SLC25A21: variants seen among roughly 807,000 people sequenced by gnomAD.
The protein encoded by SLC25A21 is mitochondrial 2-oxodicarboxylate carrier.
A neutral mutation model predicts 43.8 loss-of-function variants in SLC25A21; 47 were observed. The observed-to-expected ratio is 1.07, with a 90% confidence interval of 0.85 to 1.37. The LOEUF is 1.37. Ranked by LOEUF, SLC25A21 falls within the 40% of genes most tolerant of loss-of-function variation. The pLI is 0.00. For missense variants in SLC25A21, 352 were observed against 350.2 expected, an observed-to-expected ratio of 1.00 and a Z score of -0.04; for synonymous variants, 131 against 121.3, an observed-to-expected ratio of 1.08 and a Z score of -0.52.
intron 3 of SLC25A21, among the ~76,000 whole-genome samples, chr14:36,756,491 T>G (rs1434968122): frequency 1.3e-5 from 2 of 152,228 alleles, no homozygotes; most frequent in Non-Finnish European, 2.9e-5. Context: ...AGTGTTCTCA[T>G]CTGTGGGAGA....
intron 1 of SLC25A21, among the ~76,000 whole-genome samples, chr14:37,036,857 G>A (rs1961337697): frequency 6.6e-6 from 1 of 152,152 alleles, no homozygotes; most frequent in South Asian, 2.1e-4. Context: ...GTTCAAATGT[G>A]GATCTTGACT....
chr14:36,790,867 G>A (rs1198425485), intron 3 of SLC25A21, among the ~76,000 whole-genome samples: 1 of 152,128 alleles, frequency 6.6e-6, no homozygotes, highest in Non-Finnish European at 1.5e-5. Flanking sequence ...GAAAAAAGGG[G>A]AGTGTGCAGT....
At chr14:37,036,368 A>G (rs1363950000) in intron 1 of SLC25A21, among the ~76,000 whole-genome samples, 1 of 152,138 alleles carries the variant, frequency 6.6e-6, no homozygotes, top group Non-Finnish European at 1.5e-5. Flanking sequence ...GCTTGCTGCA[A>G]GCAGTTTTAA....
chr14:37,116,435 T>A (rs887958578), intron 1 of SLC25A21, among the ~76,000 whole-genome samples: 1 of 152,188 alleles, frequency 6.6e-6, no homozygotes, highest in African/African-American at 2.4e-5. Context: ...AGCATTACAT[T>A]TGAAGTCCTT....
At chr14:37,064,408 T>C (rs1276754698) in intron 1 of SLC25A21, among the ~76,000 whole-genome samples, 1 of 151,958 alleles carries the variant, frequency 6.6e-6, no homozygotes, top group Non-Finnish European at 1.5e-5. Context: ...GTTGATAAAT[T>C]CTCTTGTCTC....
At chr14:36,807,176 G>T (rs915328966) in intron 3 of SLC25A21, 15 of 152,120 alleles carry the variant, frequency 9.9e-5, no homozygotes, top group African/African-American at 3.6e-4. Flanking sequence ...TCTGCTCAGG[G>T]GTCTGAGATG....
intron 1 of SLC25A21, among the ~76,000 whole-genome samples, chr14:37,033,018 A>C (rs760095109): frequency 6.6e-6 from 1 of 152,214 alleles, no homozygotes; most frequent in Non-Finnish European, 1.5e-5. Flanking sequence ...AACCATCTTT[A>C]AGTGTACAGC....
intron 1 of SLC25A21, among the ~76,000 whole-genome samples, chr14:37,018,294 C>G (rs1320446454): frequency 6.6e-6 from 1 of 151,940 alleles, no homozygotes; most frequent in Admixed American, 6.6e-5. Context: ...TGATCTTTCC[C>G]TCAACACTGT....
At chr14:37,093,180 CATT>C (rs1458546183) in intron 1 of SLC25A21, among the ~76,000 whole-genome samples, 1 of 152,148 alleles carries the variant, frequency 6.6e-6, no homozygotes, top group Non-Finnish European at 1.5e-5. Flanking sequence ...ACAAAGTTCT[CATT>C]ATATTCACCT....
At chr14:36,806,102 G>A (rs1594604232) in intron 3 of SLC25A21, among the ~76,000 whole-genome samples, 1 of 137,392 alleles carries the variant, frequency 7.3e-6, no homozygotes, top group Admixed American at 7.8e-5. Flanking sequence ...TGTAATGCCA[G>A]CTACTCTGAG....
intron 3 of SLC25A21, among the ~76,000 whole-genome samples, chr14:36,754,296 C>CA (rs1410271211): frequency 4.6e-5 from 7 of 152,154 alleles, no homozygotes; most frequent in African/African-American, 7.2e-5. Context: ...AGCCTGAGCT[C>CA]AGCCTTTAAA....
chr14:37,001,314 ATT>A (rs1439589054), intron 1 of SLC25A21, among the ~76,000 whole-genome samples: 14 of 152,238 alleles, frequency 9.2e-5, no homozygotes, highest in African/African-American at 3.4e-4. Context: ...CTTTAAATGC[ATT>A]GTTTCATGGG....
At chr14:37,039,415 C>T (rs553013080) in intron 1 of SLC25A21, among the ~76,000 whole-genome samples, 2 of 152,284 alleles carry the variant, frequency 1.3e-5, no homozygotes, top group African/African-American at 4.8e-5. Context: ...TTTAGTACAT[C>T]CCACTCCCAT....
intron 1 of SLC25A21, among the ~76,000 whole-genome samples, chr14:37,158,279 AAG>A (rs1442060171): frequency 6.6e-6 from 1 of 152,160 alleles, no homozygotes; most frequent in Non-Finnish European, 1.5e-5. Flanking sequence ...ACAGAACAAA[AAG>A]AGTAAACTAC....
intron 3 of SLC25A21, among the ~76,000 whole-genome samples, chr14:36,806,495 A>T (rs1434234860): frequency 6.7e-6 from 1 of 149,834 alleles, no homozygotes; most frequent in African/African-American, 2.4e-5. Context: ...ATAAATCTGT[A>T]CAACTATGTC....
intron 1 of SLC25A21, among the ~76,000 whole-genome samples, chr14:36,941,276 A>T (rs1187450739): frequency 2.0e-5 from 3 of 152,120 alleles, no homozygotes; most frequent in African/African-American, 7.2e-5. Context: ...TATTAGCTCA[A>T]ATATATAGTT....
intron 7 of SLC25A21, among the ~76,000 whole-genome samples, chr14:36,700,763 C>T (rs1883247435): frequency 6.6e-6 from 1 of 152,196 alleles, no homozygotes; most frequent in Non-Finnish European, 1.5e-5. Flanking sequence ...CCTTAGCTTC[C>T]TTTAATAAAA....
chr14:36,749,796 A>G (rs1397494253), intron 3 of SLC25A21, among the ~76,000 whole-genome samples: 1 of 152,156 alleles, frequency 6.6e-6, no homozygotes, highest in African/African-American at 2.4e-5. Context: ...ATCTTTGCAC[A>G]AACATTAACT....
At chr14:37,055,072 C>T (rs1338634863) in intron 1 of SLC25A21, among the ~76,000 whole-genome samples, 2 of 152,184 alleles carry the variant, frequency 1.3e-5, no homozygotes, top group African/African-American at 2.4e-5. Context: ...CTGCAAGCGT[C>T]AACTGCGGAA....
Sources: gnomAD v4.1 joint callset for allele counts (sites outside exome capture counted in the v4.1 genomes callset) on GRCh38, gnomAD v4.1.1 for gene constraint, MANE v1.5 for transcripts, NCBI Gene and HGNC (gene_info 2026-07-23, HGNC 2026-07-21) for gene names.